FAM107B: variants seen among roughly 807,000 people sequenced by gnomAD.
FAM107B encodes the protein protein FAM107B.
In FAM107B, 21 loss-of-function variants were observed where a neutral mutation model predicts 31.5. That is an observed-to-expected ratio of 0.67 (90% CI 0.47 to 0.96). The LOEUF (loss-of-function observed/expected upper bound fraction) is 0.96. Ranked by LOEUF, FAM107B falls within the 40% of genes least tolerant of loss-of-function variation. The pLI, the probability that FAM107B is intolerant of heterozygous loss-of-function variation, is 0.00. For synonymous variants in FAM107B, 157 were observed against 141.5 expected (o/e 1.11, Z -0.78); for missense variants, 452 against 377.1 (o/e 1.20, Z -1.64).
At chr10:14,677,227 A>G (rs1311034523) in intron 1 of FAM107B, among the ~76,000 whole-genome samples, 1 of 152,148 alleles carries the variant, frequency 6.6e-6, no homozygotes, top group Non-Finnish European at 1.5e-5. Context: ...AAAAACGACA[A>G]AAAGGAGATT....
intron 1 of FAM107B, among the ~76,000 whole-genome samples, chr10:14,722,017 A>G (rs1855923712): frequency 6.6e-6 from 1 of 152,164 alleles, no homozygotes; most frequent in Non-Finnish European, 1.5e-5. Context: ...TGAATTAATT[A>G]ATCCATTTAT....
chr10:14,678,594 C>T (rs1278021422), intron 1 of FAM107B, among the ~76,000 whole-genome samples: 3 of 145,500 alleles, frequency 2.1e-5, no homozygotes, highest in Non-Finnish European at 3.1e-5. Flanking sequence ...AAAATCCTAA[C>T]GCTAACAAAT....
At chr10:14,558,879 G>T (rs772630432) in intron 2 of FAM107B, among the ~76,000 whole-genome samples, 3 of 152,062 alleles carry the variant, frequency 2.0e-5, no homozygotes, top group Non-Finnish European at 4.4e-5. Flanking sequence ...CAAATTAGGA[G>T]ATGAAAACGC....
chr10:14,542,583 C>T (rs575442028), intron 2 of FAM107B: 3 of 152,312 alleles, frequency 2.0e-5, no homozygotes, highest in Admixed American at 6.5e-5. Context: ...GCTCACCTTA[C>T]GCTTAGAAGG....
chr10:14,530,914 G>T (rs1363052282), intron 2 of FAM107B, among the ~76,000 whole-genome samples: 2 of 152,184 alleles, frequency 1.3e-5, no homozygotes, highest in Non-Finnish European at 2.9e-5. Flanking sequence ...GCTGCAGTTG[G>T]ACACATGTGT....
rs1851234283 is a variant in FAM107B at position 14,571,626 on chromosome 10, A to C, written c.470-41111T>G. 1.0e-5 allele frequency: 3 copies of C among 296,900 alleles called. 1 individual carries two copies. The highest frequency in any genetic ancestry group is 1.7e-4 in the East Asian group (1 of 5,766). The allele number at this position is 296,900 out of a possible 1,614,324, so 18.4% of individuals were successfully genotyped here. A position where few individuals can be genotyped will look rare whatever the true frequency, so the allele number is the denominator to read the frequency against. ...AAAGACACACTATTCAATACCACTC[A>C]CTATAACAACATATAATTTTTATTT... On this transcript the variant is annotated intron_variant, in intron 2 of 4. Transcript: ENST00000181796.
intron 2 of FAM107B, among the ~76,000 whole-genome samples, chr10:14,621,326 G>C (rs966397846): frequency 4.6e-5 from 7 of 152,122 alleles, no homozygotes; most frequent in African/African-American, 1.7e-4. Context: ...CTGTTTAACA[G>C]AAAAATTCTG....
chr10:14,768,986 GC>G (rs1401525813), intron 1 of FAM107B, among the ~76,000 whole-genome samples: 1 of 152,148 alleles, frequency 6.6e-6, no homozygotes, highest in African/African-American at 2.4e-5. Flanking sequence ...CCATGACTTT[GC>G]CCCTGCTAAG....
intron 2 of FAM107B, among the ~76,000 whole-genome samples, chr10:14,625,661 G>GT (rs1853141636): frequency 6.6e-6 from 1 of 152,022 alleles, no homozygotes; most frequent in Non-Finnish European, 1.5e-5. Context: ...ACTGAGCTGC[G>GT]TTTTACAATC....
chr10:14,721,661 T>G (rs1438314223), intron 1 of FAM107B, among the ~76,000 whole-genome samples: 1 of 152,236 alleles, frequency 6.6e-6, no homozygotes, highest in African/African-American at 2.4e-5. Flanking sequence ...GAAGTGTCTG[T>G]TCATATCCTT....
chr10:14,762,792 ACAC>A (rs1564293250), intron 1 of FAM107B, among the ~76,000 whole-genome samples: 2 of 148,856 alleles, frequency 1.3e-5, no homozygotes, highest in African/African-American at 5.2e-5. Context: ...ACACACACAC[ACAC>A]ACACACAAAA....
intron 1 of FAM107B, among the ~76,000 whole-genome samples, chr10:14,685,887 C>T (rs1854972201): frequency 1.3e-5 from 2 of 152,036 alleles, no homozygotes; most frequent in African/African-American, 2.4e-5. Context: ...ACAATCATGG[C>T]GGAAGGCAAA....
chr10:14,589,868 A>G (rs1361184499), intron 2 of FAM107B, among the ~76,000 whole-genome samples: 1 of 152,198 alleles, frequency 6.6e-6, no homozygotes, highest in East Asian at 1.9e-4. Flanking sequence ...TGCAGTGAAT[A>G]TATCTCAGTC....
rs115027330 is a variant in FAM107B at position 14,556,469 on chromosome 10, C to T, written c.470-25954G>A. The T allele has an allele frequency of 8.2e-4, 784 of 957,994 alleles. 5 individuals are homozygous for T. The African/African-American group carries it at 0.013, about 16-fold the overall frequency. 59.3% of individuals were successfully genotyped at this position (957,994 alleles called of 1,614,324 possible). On this transcript the variant is annotated intron_variant, in intron 2 of 4. Coordinates refer to ENST00000181796, the MANE Select transcript of FAM107B (RefSeq NM_031453.4). The stretch of plus-strand genomic sequence containing the variant: ...AGAGAGCAGCCCAGGCCACAATATT[C>T]ATATTTGTCAAGCCCCGACCTAACG...
At chr10:14,587,813 G>A (rs1223833018) in intron 2 of FAM107B, among the ~76,000 whole-genome samples, 2 of 152,114 alleles carry the variant, frequency 1.3e-5, no homozygotes, top group Non-Finnish European at 2.9e-5. Context: ...TCCTAGATTT[G>A]CACCAAGGAG....
rs147024651 is a variant in FAM107B at position 14,560,553 on chromosome 10, G to C, written c.470-30038C>G. On this transcript the variant is annotated intron_variant, in intron 2 of 4. Transcript: ENST00000181796. ...AAGGAGGACTCACTAGGTAAGCTTGGGAAATAGGGCTGAAGACGTGGACTG... is the reference window on the plus strand; with the variant it reads ...AAGGAGGACTCACTAGGTAAGCTTGCGAAATAGGGCTGAAGACGTGGACTG... Among the ~76,000 whole-genome samples, 21 of 152,268 alleles carry C rather than the reference G, an allele frequency of 1.4e-4. No individual in the cohort carries two copies. The East Asian group carries it at 3.5e-3, about 25-fold the overall frequency.
intron 1 of FAM107B, among the ~76,000 whole-genome samples, chr10:14,736,418 C>T (rs1444087105): frequency 1.3e-5 from 2 of 152,238 alleles, no homozygotes; most frequent in Admixed American, 6.5e-5. Flanking sequence ...GAGTAGTTCG[C>T]CTCAATCTAA....
chr10:14,611,977 A>T (rs1001263841), intron 2 of FAM107B, among the ~76,000 whole-genome samples: 1 of 152,118 alleles, frequency 6.6e-6, no homozygotes, highest in African/African-American at 2.4e-5. Flanking sequence ...ATGTGTGTGT[A>T]TGTATGAGTA....
chr10:14,554,423 A>G (rs1187638982), intron 2 of FAM107B, among the ~76,000 whole-genome samples: 1 of 152,222 alleles, frequency 6.6e-6, no homozygotes, highest in Non-Finnish European at 1.5e-5. Flanking sequence ...CAGACTGGGC[A>G]GGAGGAATGA....
Sources: gnomAD v4.1 joint callset for allele counts (sites outside exome capture counted in the v4.1 genomes callset) on GRCh38, gnomAD v4.1.1 for gene constraint, MANE v1.5 for transcripts, NCBI Gene and HGNC (gene_info 2026-07-23, HGNC 2026-07-21) for gene names.